RLF: variants seen among roughly 807,000 people sequenced by gnomAD.
RLF encodes RLF zinc finger.
A neutral mutation model predicts 162.9 loss-of-function variants in RLF; 7 were observed. The observed-to-expected ratio is 0.04, with a 90% CI of 0.02 to 0.08. RLF has a LOEUF of 0.08. RLF is among the 10% of genes least tolerant of loss of function. The pLI is 1.00. For synonymous variants in RLF, 782 were observed against 791.5 expected (o/e 0.99, Z 0.20); for missense variants, 1,664 against 2,244.7 (o/e 0.74, Z 5.23).
chr1:40,199,789 A>G (rs936354135), intron 4 of RLF, among the ~76,000 whole-genome samples: 2 of 152,188 alleles, frequency 1.3e-5, no homozygotes, highest in Non-Finnish European at 2.9e-5. Flanking sequence ...GGCAGGCAGA[A>G]TAGGATATAG....
chr1:40,170,292 C>T (rs999184201), intron 1 of RLF, among the ~76,000 whole-genome samples: 4 of 151,466 alleles, frequency 2.6e-5, no homozygotes, highest in Admixed American at 1.3e-4. Flanking sequence ...CTTGCTGTGT[C>T]GCTCAGGCTG....
At position 40,190,825 on chromosome 1, in the gene RLF, T is replaced by A; in HGVS notation, c.446T>A (p.Val149Asp). ...TCTGAAAGTGAACTGCCATGTGAAG[T>A]CTGGCTACCATTCCTTCAGTCTCTA... is the stretch of plus-strand genomic sequence containing the variant. ...SVSESELPCE[V>D]WLPFLQSLQE... The change falls in exon 3 of 8, where the codon GTC becomes GAC. Residue 149 changes from valine to aspartate, a missense_variant. Val to Asp is a radical substitution (Grantham distance 152). This residue lies in a region of RLF where 287 missense variants were observed against 404.9 expected (regional missense o/e 0.71). Transcript: ENST00000372771. 1 of 1,613,220 alleles carries A rather than the reference T, an allele frequency of 6.2e-7. No homozygotes were observed. The highest frequency in any genetic ancestry group is 8.5e-7 in the Non-Finnish European group (1 of 1,179,416).
chr1:40,183,756 T>A (rs938029761), intron 1 of RLF, among the ~76,000 whole-genome samples: 2 of 151,696 alleles, frequency 1.3e-5, no homozygotes, highest in African/African-American at 2.4e-5. Context: ...AAAAAAAAAA[T>A]TCCCAAAAGA....
intron 1 of RLF, among the ~76,000 whole-genome samples, chr1:40,175,566 T>G (rs1240680762): frequency 6.6e-6 from 1 of 152,088 alleles, no homozygotes; most frequent in Non-Finnish European, 1.5e-5. Context: ...GGAGAATTGC[T>G]TGAACCCGGG....
At chr1:40,168,820 C>G (rs1028606628) in intron 1 of RLF, among the ~76,000 whole-genome samples, 1 of 151,720 alleles carries the variant, frequency 6.6e-6, no homozygotes, top group Admixed American at 6.6e-5. Flanking sequence ...GGTGAAACCC[C>G]ATCTCTACTA....
At chr1:40,183,939 T>G (rs1642439246) in intron 1 of RLF, among the ~76,000 whole-genome samples, 1 of 152,200 alleles carries the variant, frequency 6.6e-6, no homozygotes. Context: ...CTGAACTATG[T>G]GAAATTTAAA....
rs1642970803 is a variant in RLF at position 40,219,994 on chromosome 1, C to A, written c.811-2580C>A. Among the ~76,000 whole-genome samples the A allele has an allele frequency of 3.9e-5, 6 of 152,128 alleles. 1 individual carries two copies. Among genetic ancestry groups the A allele is most frequent in the Admixed American group, 3.3e-4 (5 of 15,264 alleles). ...AGGTGCGGTGGCTCACGCCTGTAAT[C>A]CCAGCACTTTGGGAGGCTGAGGCAG... On this transcript the variant is annotated intron_variant, in intron 5 of 7. Transcript: ENST00000372771.
At chr1:40,168,041 CA>C (rs575273856) in intron 1 of RLF, among the ~76,000 whole-genome samples, 7,586 of 128,732 alleles carry the variant, frequency 0.059, 551 homozygotes, top group African/African-American at 0.19. Context: ...GGCAACTCTA[CA>C]AAAAAAAAAA....
intron 6 of RLF, among the ~76,000 whole-genome samples, chr1:40,226,783 G>T (rs535647659): frequency 6.6e-6 from 1 of 152,186 alleles, no homozygotes; most frequent in South Asian, 2.1e-4. Context: ...GAATCTCAGT[G>T]TAACATGTTA....
chr1:40,202,208 T>G (rs1642727559), intron 4 of RLF, among the ~76,000 whole-genome samples: 1 of 152,238 alleles, frequency 6.6e-6, no homozygotes, highest in Non-Finnish European at 1.5e-5. Context: ...TTCTTGCATT[T>G]ATGCTTATAG....
intron 5 of RLF, among the ~76,000 whole-genome samples, chr1:40,211,975 A>G (rs1642871379): frequency 6.6e-6 from 1 of 152,250 alleles, no homozygotes; most frequent in Admixed American, 6.5e-5. Flanking sequence ...TGCAAGTGTC[A>G]ACAGAATTAA....
At chr1:40,163,361 G>A (rs923671613) in intron 1 of RLF, among the ~76,000 whole-genome samples, 3 of 152,142 alleles carry the variant, frequency 2.0e-5, no homozygotes, top group African/African-American at 7.2e-5. Flanking sequence ...GTGGGTTTTG[G>A]GTAAGGCTTC....
intron 1 of RLF, among the ~76,000 whole-genome samples, chr1:40,186,013 C>T (rs1224295997): frequency 2.0e-5 from 3 of 151,850 alleles, no homozygotes; most frequent in Non-Finnish European, 4.4e-5. Context: ...GAAAATTAAC[C>T]GAGCCTGGTG....
intron 3 of RLF, among the ~76,000 whole-genome samples, chr1:40,194,498 G>A (rs111403892): frequency 4.6e-5 from 7 of 151,996 alleles, no homozygotes; most frequent in African/African-American, 1.7e-4. Context: ...AAATTAGCCA[G>A]GCGTGGTGGC....
At chr1:40,225,886 A>AAAAAAAAC (rs1643065467) in intron 6 of RLF, among the ~76,000 whole-genome samples, 4 of 147,486 alleles carry the variant, frequency 2.7e-5, no homozygotes, top group Admixed American at 2.0e-4. Flanking sequence ...CGCAAAAAAA[A>AAAAAAAAC]AAAAAAAAAA....
Position 40,238,606 on chromosome 1 carries a change from A to G in RLF, c.3904A>G (p.Ile1302Val). 6.2e-7 allele frequency: 1 copy of G among 1,613,718 alleles called. No individual in the cohort carries two copies. The highest frequency in any genetic ancestry group is 8.5e-7 in the Non-Finnish European group (1 of 1,179,980). The change falls in exon 8 of 8, where the codon ATT (isoleucine) becomes GTT (valine). Residue 1302 changes from isoleucine (I) to valine (V), a missense_variant. By Grantham distance (29) the Ile-to-Val change is conservative. Transcript: ENST00000372771. The surrounding 1 kb of genome is among the most constrained non-coding windows in gnomAD (Gnocchi z 5.2). ...RTVAKGNLCY[I>V]LNKYHKPFHC... is the part of the protein sequence containing the mutation. ...TGTTGCTAAAGGAAATCTGTGTTAT[A>G]TTTTGAATAAATACCACAAACCATT... is the stretch of plus-strand genomic sequence containing the variant.
intron 5 of RLF, among the ~76,000 whole-genome samples, chr1:40,205,485 C>CCTCT (rs990825771): frequency 9.3e-6 from 1 of 107,060 alleles, no homozygotes; most frequent in African/African-American, 3.8e-5. Flanking sequence ...TTCCTTCCTT[C>CCTCT]TTTTTTTTTT....
rs548524379 is a variant in RLF, at chr1:40,239,736, C to T, written c.5034C>T (p.Ser1678=). The change falls in exon 8 of 8, where the codon TCC becomes TCT. Residue 1678 remains serine (S), a synonymous_variant. Coordinates refer to ENST00000372771, the MANE Select transcript of RLF (RefSeq NM_012421.4). The part of the protein sequence containing the change: ...YRGTLKCNHS[S]KTTSLEQCNI... ...GAACTTTGAAATGTAATCATAGTTC[C>T]AAAACCACTTCCCTAGAACAGTGTA... The T allele has an allele frequency of 6.2e-7, 1 of 1,614,092 alleles. No homozygotes were observed.
At position 40,237,749 on chromosome 1, in the gene RLF, C is replaced by T. The variant is rs1358155174; in HGVS notation, c.3047C>T (p.Ser1016Leu). The change falls in exon 8 of 8, where the codon TCA becomes TTA. Residue 1016 changes from serine to leucine, a missense_variant. This residue lies in a region of RLF where 295 missense variants were observed against 317.4 expected (regional missense o/e 0.93). Coordinates refer to ENST00000372771, the MANE Select transcript of RLF (RefSeq NM_012421.4). The surrounding 1 kb of genome is among the most constrained non-coding windows in gnomAD (Gnocchi z 4.4). Reference sequence around the variant, plus strand: ...TTGGATGCAGAACCTAAACCCTGCTCAGATACAAACAGTGACTCCCCAGAT... The same window carrying T: ...TTGGATGCAGAACCTAAACCCTGCTTAGATACAAACAGTGACTCCCCAGAT... ...EKLDAEPKPC[S>L]DTNSDSPDEG... 3.1e-6 allele frequency: 5 copies of T among 1,614,072 alleles called. No homozygotes were observed. Among genetic ancestry groups the T allele is most frequent in the Middle Eastern group, 1.6e-4 (1 of 6,062 alleles).
Sources: gnomAD v4.1 joint callset for allele counts (sites outside exome capture counted in the v4.1 genomes callset) on GRCh38, gnomAD v4.1.1 for gene constraint, gnomAD v4.1.1 regional missense constraint, Gnocchi (gnomAD v3.1) non-coding constraint, MANE v1.5 for transcripts, NCBI Gene and HGNC (gene_info 2026-07-23, HGNC 2026-07-21) for gene names.